ATRN: variants seen among roughly 807,000 people sequenced by gnomAD.
ATRN encodes attractin-2.
Under a neutral mutation model 178.7 loss-of-function variants are expected in ATRN, and 54 were observed. The observed-to-expected ratio is 0.30, with a 90% CI of 0.24 to 0.38. ATRN has a LOEUF of 0.38. Ranked by LOEUF, ATRN falls within the 10% of genes least tolerant of loss-of-function variation. ATRN has a pLI of 1.00. For missense variants in ATRN, 1,443 were observed against 1,815.1 expected (o/e 0.79, Z 3.73); for synonymous variants, 636 against 663.0 (o/e 0.96, Z 0.63).
intron 1 of ATRN, among the ~76,000 whole-genome samples, chr20:3,495,836 A>T (rs1462901784): frequency 1.3e-5 from 2 of 151,784 alleles, no homozygotes; most frequent in Admixed American, 1.3e-4. Flanking sequence ...AAGAAAGGGG[A>T]TCTATAAATC....
intron 1 of ATRN, among the ~76,000 whole-genome samples, chr20:3,522,689 C>T (rs2085312254): frequency 6.6e-6 from 1 of 152,178 alleles, no homozygotes; most frequent in Non-Finnish European, 1.5e-5. Flanking sequence ...CTGGTGGATA[C>T]CCCTCTGGGA....
At position 3,650,439 on chromosome 20, in the gene ATRN, G is replaced by A. The variant is rs1221627595; in HGVS notation, c.*3592G>A. The stretch of plus-strand genomic sequence containing the variant: ...CTGTCATCCCAGGAGATCTTTCCTT[G>A]TGGTGGTTTCTGTGAGAATTGGCCA... On this transcript the variant is annotated 3_prime_UTR_variant, in exon 29 of 29. Transcript: ENST00000262919. 1 of 152,630 alleles carries A rather than the reference G, an allele frequency of 6.6e-6. No individual in the cohort carries two copies. The highest frequency in any genetic ancestry group is 1.5e-5 in the Non-Finnish European group (1 of 68,052). 9.5% of individuals were successfully genotyped at this position (152,630 alleles called of 1,614,324 possible). A position where few individuals can be genotyped will look rare whatever the true frequency, so the allele number is the denominator to read the frequency against.
At chr20:3,492,733 A>G (rs2084812472) in intron 1 of ATRN, among the ~76,000 whole-genome samples, 1 of 151,654 alleles carries the variant, frequency 6.6e-6, no homozygotes, top group African/African-American at 2.4e-5. Context: ...CTGTAGTTGA[A>G]TGGGAAGAGA....
intron 26 of ATRN, among the ~76,000 whole-genome samples, chr20:3,636,417 G>A (rs190393446): frequency 5.3e-5 from 8 of 152,196 alleles, no homozygotes; most frequent in East Asian, 3.9e-4. Flanking sequence ...AAATCATTTC[G>A]TCATTTATTG....
chr20:3,555,061 C>T (rs1448774673), intron 6 of ATRN, among the ~76,000 whole-genome samples: 1 of 120,904 alleles, frequency 8.3e-6, no homozygotes, highest in Non-Finnish European at 1.6e-5. Flanking sequence ...AGTGCAGTGG[C>T]GTGATCTCGG....
At chr20:3,646,295 T>C (rs1453844504) in intron 28 of ATRN, among the ~76,000 whole-genome samples, 1 of 152,166 alleles carries the variant, frequency 6.6e-6, no homozygotes, top group African/African-American at 2.4e-5. Flanking sequence ...CTGCTGTTTC[T>C]CGGCTCCTTT....
intron 15 of ATRN, among the ~76,000 whole-genome samples, chr20:3,580,773 G>A (rs1270200066): frequency 6.6e-6 from 1 of 152,144 alleles, no homozygotes; most frequent in Non-Finnish European, 1.5e-5. Flanking sequence ...GCCTCAGGAA[G>A]GAACCAAGGC....
At chr20:3,530,048 A>G (rs1469898522) in intron 1 of ATRN, among the ~76,000 whole-genome samples, 2 of 151,650 alleles carry the variant, frequency 1.3e-5, no homozygotes, top group Non-Finnish European at 2.9e-5. Flanking sequence ...AATTATAATA[A>G]TATTAGACAA....
chr20:3,633,277 A>G (rs2087002550), intron 25 of ATRN, among the ~76,000 whole-genome samples: 1 of 152,202 alleles, frequency 6.6e-6, no homozygotes, highest in Non-Finnish European at 1.5e-5. Context: ...CAGGGCACCC[A>G]TTGGAGGAGT....
At chr20:3,603,010 G>A (rs944192416) in intron 23 of ATRN, among the ~76,000 whole-genome samples, 1 of 140,118 alleles carries the variant, frequency 7.1e-6, no homozygotes, top group African/African-American at 2.7e-5. Flanking sequence ...TGCCATGAGT[G>A]TCTCAATGAA....
intron 1 of ATRN, among the ~76,000 whole-genome samples, chr20:3,492,864 C>T (rs560847978): frequency 1.7e-4 from 20 of 120,276 alleles, no homozygotes; most frequent in South Asian, 4.5e-4. Context: ...GGCGCGCGCG[C>T]GCGTGCGCAC....
rs922105604 is a variant in ATRN, at chr20:3,546,859, A to G, written c.738-425A>G. On this transcript the variant is annotated intron_variant, in intron 4 of 28. Coordinates refer to ENST00000262919, the MANE Select transcript of ATRN (RefSeq NM_139321.3). ...GAGGAATATGTACCATGAGGATGGT[A>G]GTTTATTGTTGGCAGTTTGTTTTAT... 3.9e-5 allele frequency among the ~76,000 whole-genome samples: 6 copies of G among 152,146 alleles called. No homozygotes were observed. In the East Asian group the frequency reaches 1.2e-3, roughly 29 times the overall value.
chr20:3,600,257 A>T (rs2086590416), intron 22 of ATRN, among the ~76,000 whole-genome samples: 1 of 152,170 alleles, frequency 6.6e-6, no homozygotes, highest in Non-Finnish European at 1.5e-5. Context: ...GGATCAAAAT[A>T]AATTAAGTTA....
At chr20:3,525,029 T>C (rs1317217434) in intron 1 of ATRN, among the ~76,000 whole-genome samples, 1 of 151,982 alleles carries the variant, frequency 6.6e-6, no homozygotes, top group Non-Finnish European at 1.5e-5. Flanking sequence ...ATTCAAAAGC[T>C]AGCAGACAAG....
At chr20:3,490,110 T>C (rs1600018859) in intron 1 of ATRN, 1 of 1,451,186 alleles carries the variant, frequency 6.9e-7, no homozygotes, top group Non-Finnish European at 9.7e-7. Context: ...TGATTTGGGA[T>C]TTTTGGCAAA....
chr20:3,521,424 T>A (rs550449857), intron 1 of ATRN, among the ~76,000 whole-genome samples: 1 of 151,740 alleles, frequency 6.6e-6, no homozygotes, highest in Admixed American at 6.6e-5. Flanking sequence ...AAGACAAACA[T>A]GTAAATTCTT....
chr20:3,519,978 G>A (rs1194939868), intron 1 of ATRN, among the ~76,000 whole-genome samples: 1 of 152,172 alleles, frequency 6.6e-6, no homozygotes, highest in Non-Finnish European at 1.5e-5. Flanking sequence ...TACCACTCAA[G>A]TATCCTATTT....
intron 11 of ATRN, among the ~76,000 whole-genome samples, chr20:3,569,610 A>G (rs2086088550): frequency 6.6e-6 from 1 of 152,324 alleles, no homozygotes; most frequent in Non-Finnish European, 1.5e-5. Context: ...GTTTTCTTCA[A>G]TAATAAATTA....
At chr20:3,526,413 A>G (rs1193724673) in intron 1 of ATRN, among the ~76,000 whole-genome samples, 1 of 152,200 alleles carries the variant, frequency 6.6e-6, no homozygotes, top group Non-Finnish European at 1.5e-5. Context: ...TTCAAGAACT[A>G]CAAACCACTG....
Sources: allele counts gnomAD v4.1 joint callset (sites outside exome capture counted in the v4.1 genomes callset), GRCh38; gene constraint gnomAD v4.1.1; transcripts MANE v1.5; gene names NCBI Gene and HGNC (gene_info 2026-07-23, HGNC 2026-07-21).